The following HELQ variants were observed in gnomAD, a reference collection of about 807,000 sequenced individuals.
HELQ encodes the protein helicase, POLQ like.
HELQ carries 77 observed loss-of-function variants against 111.6 expected under a neutral mutation model. The observed-to-expected ratio is 0.69, with a 90% confidence interval of 0.57 to 0.83. HELQ has a LOEUF of 0.83. Ranked by LOEUF, HELQ falls within the 40% of genes least tolerant of loss-of-function variation. The probability of loss-of-function intolerance (pLI) is 0.00; values close to 1 mark genes in which losing one functional copy is unlikely to be tolerated. For missense variants in HELQ, 1,200 were observed against 1,288.5 expected (o/e 0.93, Z 1.05); for synonymous variants, 438 against 454.7 (o/e 0.96, Z 0.47).
chr4:83,452,813 G>C (rs1324662173), intron 2 of HELQ, among the ~76,000 whole-genome samples: 1 of 152,208 alleles, frequency 6.6e-6, no homozygotes, highest in African/African-American at 2.4e-5. Flanking sequence ...TTAAGTGAGA[G>C]AATGAGAGCA....
In HELQ at chr4:83,446,819, A is replaced by G; in HGVS notation, c.1392+16T>C. 2.6e-6 allele frequency: 4 copies of G among 1,531,142 alleles called. No homozygotes were observed. Among genetic ancestry groups the G allele is most frequent in the Non-Finnish European group, 3.6e-6 (4 of 1,116,430 alleles). The allele number at this position is 1,531,142 out of a possible 1,614,324, so 94.8% of individuals were successfully genotyped here. ...TATAATAAAAATATTGACAAATTAC[A>G]AAAGTATTAACCAACCTCGTCTACA... is the stretch of plus-strand genomic sequence containing the variant. On this transcript the variant is annotated intron_variant, in intron 4 of 17. Transcript: ENST00000295488.
intron 9 of HELQ, among the ~76,000 whole-genome samples, chr4:83,434,139 G>A (rs767540642): frequency 1.3e-5 from 2 of 151,938 alleles, no homozygotes; most frequent in Admixed American, 1.3e-4. Context: ...GGGAGGCCAC[G>A]GTGGGCAGAT....
intron 17 of HELQ, among the ~76,000 whole-genome samples, chr4:83,410,545 G>T (rs1739031870): frequency 1.3e-5 from 2 of 152,138 alleles, no homozygotes; most frequent in African/African-American, 2.4e-5. Context: ...ACACAGGGAT[G>T]AGGTTTCTCA....
intron 2 of HELQ, 56 bp from the exon 3 acceptor site, chr4:83,449,017 A>G (rs1452471002): frequency 1.5e-6 from 2 of 1,290,374 alleles, no homozygotes; most frequent in Non-Finnish European, 2.1e-6. Context: ...TTGAAACTCA[A>G]AAGTTTTCTA....
At chr4:83,415,593 G>C (rs932625783) in intron 17 of HELQ, among the ~76,000 whole-genome samples, 2 of 151,960 alleles carry the variant, frequency 1.3e-5, no homozygotes, top group Non-Finnish European at 2.9e-5. Context: ...AGAGCTCAGT[G>C]ACTTCCAGGG....
chr4:83,433,258 G>A (rs1470688163), intron 9 of HELQ, among the ~76,000 whole-genome samples: 2 of 152,058 alleles, frequency 1.3e-5, no homozygotes, highest in Non-Finnish European at 2.9e-5. Flanking sequence ...AACATAACAT[G>A]AATATACAGA....
chr4:83,441,937 C>T (rs777066786), intron 6 of HELQ, among the ~76,000 whole-genome samples: 1 of 151,914 alleles, frequency 6.6e-6, no homozygotes, highest in Non-Finnish European at 1.5e-5. Flanking sequence ...CCACGCCAGG[C>T]TAATTTTTAT....
In HELQ at chr4:83,416,470, T is replaced by C. The variant is rs1739363736; in HGVS notation, c.3198+261A>G. 4.6e-5 allele frequency among the ~76,000 whole-genome samples: 7 copies of C among 151,472 alleles called. No homozygotes were observed. The South Asian group carries it at 1.5e-3, about 32-fold the overall frequency. ...TCCTGATTTCAAGCCATCCTCCCCA[T>C]CTTGACCTTCCAAAGAGCTGGGATT... On this transcript the variant is annotated intron_variant, in intron 17 of 17. Transcript: ENST00000295488.
At position 83,455,086 on chromosome 4, in the gene HELQ, T is replaced by A. The variant is rs115435205; in HGVS notation, c.297+311A>T. 6.3e-3 allele frequency among the ~76,000 whole-genome samples: 958 copies of A among 152,260 alleles called. 7 individuals are homozygous for A. The highest frequency in any genetic ancestry group is 0.022 in the African/African-American group (914 of 41,552). ...TGTCGTAAAATCTAGATAATATAAC[T>A]AGCTTAACATAACGGGTCTTCAATA... is the stretch of plus-strand genomic sequence containing the variant. On this transcript the variant is annotated intron_variant, in intron 1 of 17. Transcript: ENST00000295488.
intron 1 of HELQ, among the ~76,000 whole-genome samples, chr4:83,454,868 CAT>C (rs1721658156): frequency 6.6e-6 from 1 of 152,166 alleles, no homozygotes; most frequent in African/African-American, 2.4e-5. Flanking sequence ...CTAACAGAAA[CAT>C]GGTTGTACCA....
At chr4:83,451,773 AAACAGAGGGAAG>A (rs1180872704) in intron 2 of HELQ, among the ~76,000 whole-genome samples, 3 of 152,230 alleles carry the variant, frequency 2.0e-5, no homozygotes, top group African/African-American at 7.2e-5. Context: ...GCTAGCAGAA[AAACAGAGGGAAG>A]AACAGAGGGA....
chr4:83,452,890 T>G (rs1486140286), intron 2 of HELQ, among the ~76,000 whole-genome samples: 1 of 152,206 alleles, frequency 6.6e-6, no homozygotes, highest in Admixed American at 6.5e-5. Context: ...ATATAATTAT[T>G]GAAAATCATT....
chr4:83,439,501 A>G (rs1423621613), intron 8 of HELQ, among the ~76,000 whole-genome samples: 1 of 151,910 alleles, frequency 6.6e-6, no homozygotes, highest in Non-Finnish European at 1.5e-5. Context: ...CTGGGATTAT[A>G]GGTGCAAGGC....
intron 8 of HELQ, among the ~76,000 whole-genome samples, chr4:83,437,603 T>TA (rs11337269): frequency 0.11 from 10,988 of 97,684 alleles, 560 homozygotes; most frequent in Middle Eastern, 0.15. Flanking sequence ...AAGCCTTGTC[T>TA]AAAAAAAAAA....
intron 2 of HELQ, among the ~76,000 whole-genome samples, chr4:83,450,221 T>TTAAA (rs1721276474): frequency 2.5e-5 from 1 of 40,612 alleles, no homozygotes; most frequent in African/African-American, 8.6e-5. Flanking sequence ...ACAGTTAAGT[T>TTAAA]TAAAAAAAAA....
At chr4:83,454,021 T>C in intron 1 of HELQ, 76 bp from the exon 2 acceptor site, 1 of 879,948 alleles carries the variant, frequency 1.1e-6, no homozygotes. Context: ...CTGGCCAACA[T>C]GGTCAAACCC....
intron 6 of HELQ, among the ~76,000 whole-genome samples, chr4:83,443,237 A>C (rs1203454259): frequency 6.6e-6 from 1 of 152,204 alleles, no homozygotes; most frequent in Non-Finnish European, 1.5e-5. Context: ...TAAGAAGTGA[A>C]AAAATAAAAT....
intron 2 of HELQ, 147 bp from the exon 3 acceptor site, chr4:83,449,108 A>C: frequency 1.5e-6 from 1 of 680,392 alleles, no homozygotes; most frequent in South Asian, 2.1e-5. Context: ...ACATGTCAAA[A>C]ATCCCAAATG....
chr4:83,427,628 A>G lies in HELQ; in HGVS notation c.2611T>C (p.Tyr871His), dbSNP rs1350834908. Reference sequence around the variant, plus strand: ...ACCAGATCATAGGGGGTTGTTAGGTAGATTAGATGAAGAAGGCTTTCAAGC... The same window carrying G: ...ACCAGATCATAGGGGGTTGTTAGGTGGATTAGATGAAGAAGGCTTTCAAGC... ...LVLESLLHLIYLTTPYDLVSQ... is the reference protein window; with the variant it reads ...LVLESLLHLIHLTTPYDLVSQ... Residue 871 changes from tyrosine to histidine, a missense_variant, in exon 13 of 18, where the codon TAC becomes CAC. Transcript: ENST00000295488. The G allele has an allele frequency of 1.2e-6, 2 of 1,606,988 alleles. No individual in the cohort carries two copies. Among genetic ancestry groups the G allele is most frequent in the Non-Finnish European group, 1.7e-6 (2 of 1,176,926 alleles).
Sources: allele counts gnomAD v4.1 joint callset (sites outside exome capture counted in the v4.1 genomes callset), GRCh38; gene constraint gnomAD v4.1.1; transcripts MANE v1.5; gene names NCBI Gene and HGNC (gene_info 2026-07-23, HGNC 2026-07-21).